SP4: variants seen among roughly 807,000 people sequenced by gnomAD.
SP4 encodes Sp4 transcription factor.
A neutral mutation model predicts 72.8 loss-of-function variants in SP4; 19 were observed. That is an observed-to-expected ratio of 0.26 (90% CI 0.18 to 0.38). SP4 has a LOEUF of 0.38. SP4 is among the 10% of genes least tolerant of loss of function. The probability of loss-of-function intolerance (pLI) is 1.00; values close to 1 mark genes in which losing one functional copy is unlikely to be tolerated. For synonymous variants in SP4, 395 were observed against 333.1 expected (o/e 1.19, Z -2.02); for missense variants, 1,008 against 926.3 (o/e 1.09, Z -1.14).
At chr7:21,507,224 G>A (rs1782022080) in intron 5 of SP4, among the ~76,000 whole-genome samples, 1 of 152,180 alleles carries the variant, frequency 6.6e-6, no homozygotes, top group African/African-American at 2.4e-5. Flanking sequence ...ACTTGCAAGA[G>A]GAGCATTTAC....
rs569342026 is a variant in SP4 at position 21,461,410 on chromosome 7, A to G, written c.1679-15669A>G. 1.6e-3 allele frequency among the ~76,000 whole-genome samples: 251 copies of G among 152,246 alleles called. 4 individuals are homozygous for G. The highest frequency in any genetic ancestry group is 5.3e-3 in the African/African-American group (220 of 41,554). On this transcript the variant is annotated intron_variant, in intron 3 of 5. Coordinates refer to ENST00000222584, the MANE Select transcript of SP4 (RefSeq NM_003112.5). ...GGAGGCAGCTAAGGCCTGGCGAGAA[A>G]TCGAGCGCAGCGCCAGTGGGCCAGT...
At chr7:21,466,402 C>T (rs1410515495) in intron 3 of SP4, among the ~76,000 whole-genome samples, 2 of 152,060 alleles carry the variant, frequency 1.3e-5, no homozygotes, top group Admixed American at 6.6e-5. Flanking sequence ...TATCATATTC[C>T]AGACATTATG....
At chr7:21,429,261 CTCT>C in intron 2 of SP4, 25 bp from the exon 3 acceptor site, 1 of 1,301,982 alleles carries the variant, frequency 7.7e-7, no homozygotes, top group Non-Finnish European at 1.1e-6. Flanking sequence ...TCCCCCCCCC[CTCT>C]CCTTTACCGT....
chr7:21,465,197 T>C (rs1030850875), intron 3 of SP4, among the ~76,000 whole-genome samples: 29 of 152,204 alleles, frequency 1.9e-4, no homozygotes, highest in Non-Finnish European at 3.8e-4. Flanking sequence ...CCTAAGCTTT[T>C]CTCTCCAACA....
intron 5 of SP4, among the ~76,000 whole-genome samples, chr7:21,496,372 C>T (rs1781706454): frequency 1.3e-5 from 2 of 152,170 alleles, no homozygotes. Flanking sequence ...TCTGTTAAGC[C>T]TCATGTGCAT....
At chr7:21,449,283 C>G (rs1469684736) in intron 3 of SP4, among the ~76,000 whole-genome samples, 1 of 152,238 alleles carries the variant, frequency 6.6e-6, no homozygotes, top group Non-Finnish European at 1.5e-5. Flanking sequence ...GCTTTTGTCT[C>G]CTAACTGACC....
intron 3 of SP4, among the ~76,000 whole-genome samples, chr7:21,447,054 C>T (rs1169429972): frequency 6.6e-6 from 1 of 152,222 alleles, no homozygotes; most frequent in Admixed American, 6.5e-5. Flanking sequence ...GGCCAGGTCC[C>T]TAAACCCTTG....
intron 3 of SP4, among the ~76,000 whole-genome samples, chr7:21,459,105 A>G (rs1426372974): frequency 5.7e-5 from 8 of 139,684 alleles, no homozygotes; most frequent in Non-Finnish European, 1.1e-4. Flanking sequence ...TATCATTGTA[A>G]TGTTTTGGGA....
chr7:21,489,546 CTTTTTTCTTTTTTTT>C (rs1245172934), intron 5 of SP4, among the ~76,000 whole-genome samples: 3 of 56,768 alleles, frequency 5.3e-5, no homozygotes, highest in South Asian at 6.3e-4. Context: ...GTCTTTTTTT[CTTTTTTCTTTTTTTT>C]TTTTTTTTTT....
chr7:21,511,491 T>C lies in SP4; in HGVS notation c.*222T>C. 2.0e-6 allele frequency: 1 copy of C among 501,850 alleles called. No individual in the cohort carries two copies. The highest frequency in any genetic ancestry group is 3.6e-6 in the Non-Finnish European group (1 of 281,074). The allele number at this position is 501,850 out of a possible 1,614,324, so 31.1% of individuals were successfully genotyped here. A position where few individuals can be genotyped will look rare whatever the true frequency, so the allele number is the denominator to read the frequency against. ...AAACAGAAAAGTATTTCCTCCATAC[T>C]ATAAGTTGTAGTTGTTTGGAAATAT... On this transcript the variant is annotated 3_prime_UTR_variant, in exon 6 of 6. Transcript: ENST00000222584.
chr7:21,460,442 C>T (rs374149244), intron 3 of SP4, among the ~76,000 whole-genome samples: 1 of 150,498 alleles, frequency 6.6e-6, no homozygotes, highest in African/African-American at 2.4e-5. Flanking sequence ...TGCAGACCTT[C>T]GCGGTGAGTG....
At chr7:21,498,475 C>T (rs1178225966) in intron 5 of SP4, among the ~76,000 whole-genome samples, 7 of 151,984 alleles carry the variant, frequency 4.6e-5, no homozygotes, top group Admixed American at 1.3e-4. Context: ...TATTCTAGGC[C>T]GCGTAGGTAA....
chr7:21,449,758 T>C (rs1224941494), intron 3 of SP4, among the ~76,000 whole-genome samples: 1 of 152,200 alleles, frequency 6.6e-6, no homozygotes, highest in Non-Finnish European at 1.5e-5. Flanking sequence ...AATCACACCT[T>C]TAGTTATTGG....
chr7:21,437,217 T>G (rs1332871433), intron 3 of SP4, among the ~76,000 whole-genome samples: 2 of 152,188 alleles, frequency 1.3e-5, no homozygotes, highest in Non-Finnish European at 2.9e-5. Context: ...AATGAATTAT[T>G]GAGTAGTTGG....
intron 5 of SP4, among the ~76,000 whole-genome samples, chr7:21,502,257 C>G (rs1009033983): frequency 6.6e-6 from 1 of 152,074 alleles, no homozygotes; most frequent in African/African-American, 2.4e-5. Flanking sequence ...AGACATCAGC[C>G]GTGGTGTATG....
At chr7:21,446,823 C>CT (rs34433968) in intron 3 of SP4, among the ~76,000 whole-genome samples, 88,296 of 148,372 alleles carry the variant, frequency 0.6, 26,719 homozygotes, top group Middle Eastern at 0.72. Flanking sequence ...TTGACAAATT[C>CT]TTTTTTTTTT....
intron 3 of SP4, among the ~76,000 whole-genome samples, chr7:21,475,999 G>A (rs765472592): frequency 3.3e-5 from 5 of 152,096 alleles, no homozygotes; most frequent in African/African-American, 4.8e-5. Flanking sequence ...GGCCGGGCAC[G>A]GTGGCTCACA....
At chr7:21,502,050 C>T (rs376468739) in intron 5 of SP4, among the ~76,000 whole-genome samples, 4 of 128,150 alleles carry the variant, frequency 3.1e-5, no homozygotes, top group Admixed American at 8.1e-5. Context: ...ACCCCCCCCC[C>T]CCCGGAACTC....
At position 21,511,547 on chromosome 7, in the gene SP4, T is replaced by A. The variant is rs904950564; in HGVS notation, c.*278T>A. 6.3e-6 allele frequency: 2 copies of A among 317,588 alleles called. No individual in the cohort carries two copies. Among genetic ancestry groups the A allele is most frequent in the Non-Finnish European group, 1.2e-5 (2 of 171,340 alleles). The allele number at this position is 317,588 out of a possible 1,614,324, so 19.7% of individuals were successfully genotyped here. A position where few individuals can be genotyped will look rare whatever the true frequency, so the allele number is the denominator to read the frequency against. ...ATAACCTTTATACAGAATCTTCCCA[T>A]CTCTTAATATCATGTGTTAACATGT... On this transcript the variant is annotated 3_prime_UTR_variant, in exon 6 of 6. Coordinates refer to ENST00000222584, the MANE Select transcript of SP4 (RefSeq NM_003112.5).
Sources: gnomAD v4.1 joint callset for allele counts (sites outside exome capture counted in the v4.1 genomes callset) on GRCh38, gnomAD v4.1.1 for gene constraint, MANE v1.5 for transcripts, NCBI Gene and HGNC (gene_info 2026-07-23, HGNC 2026-07-21) for gene names.